Variants in LUC7L3 observed in about 807,000 individuals in gnomAD.
LUC7L3 encodes luc7-like protein 3.
In LUC7L3, 6 loss-of-function variants were observed where a neutral mutation model predicts 66.8. The ratio of observed to expected loss-of-function variants is 0.09; its 90% CI spans 0.05 to 0.18. LUC7L3 has a LOEUF of 0.18. Ranked by LOEUF, LUC7L3 falls within the 10% of genes least tolerant of loss-of-function variation. The pLI is 1.00. For missense variants in LUC7L3, 341 were observed against 531.1 expected (o/e 0.64, Z 3.52); for synonymous variants, 160 against 174.7 (o/e 0.92, Z 0.66).
At chr17:50,730,299 G>A (rs893236934) in intron 1 of LUC7L3, among the ~76,000 whole-genome samples, 1 of 151,802 alleles carries the variant, frequency 6.6e-6, no homozygotes, top group African/African-American at 2.4e-5. Flanking sequence ...GCAGTTTAAC[G>A]AAAATAGTGC....
At chr17:50,748,955 T>G (rs978866154) in intron 9 of LUC7L3, among the ~76,000 whole-genome samples, 7 of 152,066 alleles carry the variant, frequency 4.6e-5, no homozygotes, top group African/African-American at 7.2e-5. Context: ...TGACTGAAGA[T>G]CTGGACTTTG....
chr17:50,733,327 G>A (rs1969751519), intron 1 of LUC7L3, among the ~76,000 whole-genome samples: 1 of 150,314 alleles, frequency 6.7e-6, no homozygotes, highest in African/African-American at 2.5e-5. Context: ...CGCCTCCTGG[G>A]TTCACATCAT....
chr17:50,730,375 G>T (rs778466133), intron 1 of LUC7L3, among the ~76,000 whole-genome samples: 1 of 151,860 alleles, frequency 6.6e-6, no homozygotes, highest in Non-Finnish European at 1.5e-5. Context: ...ACAAAAATTA[G>T]CCAGGCATGG....
chr17:50,725,819 A>C (rs916235047), intron 1 of LUC7L3, among the ~76,000 whole-genome samples: 3 of 152,254 alleles, frequency 2.0e-5, no homozygotes, highest in African/African-American at 7.2e-5. Context: ...TCATTTTCCT[A>C]CCACAAAATA....
At chr17:50,733,791 G>A (rs992026202) in intron 1 of LUC7L3, among the ~76,000 whole-genome samples, 7 of 152,138 alleles carry the variant, frequency 4.6e-5, no homozygotes, top group Non-Finnish European at 8.8e-5. Context: ...ATAAATAATA[G>A]ATTCTGGCAA....
chr17:50,726,742 A>AT, intron 1 of LUC7L3, among the ~76,000 whole-genome samples: 1 of 152,114 alleles, frequency 6.6e-6, no homozygotes, highest in East Asian at 1.9e-4. Flanking sequence ...ACTTATAGTT[A>AT]TTTTTTTCCC....
At chr17:50,741,620 T>C (rs755302709) in intron 4 of LUC7L3, 37 bp from the exon 5 acceptor site, 2 of 1,390,100 alleles carry the variant, frequency 1.4e-6, no homozygotes, top group South Asian at 1.2e-5. Flanking sequence ...ATCTTTGTTT[T>C]CAACTTGTTG....
chr17:50,737,086 A>T, intron 2 of LUC7L3, 60 bp downstream of exon 2: 1 of 1,219,350 alleles, frequency 8.2e-7, no homozygotes, highest in Non-Finnish European at 1.2e-6. Flanking sequence ...GTTGAATAGG[A>T]GTGGTGAAAG....
At chr17:50,740,202 G>A (rs1970258975) in intron 2 of LUC7L3, 104 bp from the exon 3 acceptor site, 1 of 847,722 alleles carries the variant, frequency 1.2e-6, no homozygotes, top group South Asian at 1.6e-5. Flanking sequence ...CAGTGATAAA[G>A]TGAATCCTTT....
At chr17:50,732,328 T>C (rs2146717802) in intron 1 of LUC7L3, among the ~76,000 whole-genome samples, 1 of 152,320 alleles carries the variant, frequency 6.6e-6, no homozygotes, top group South Asian at 2.1e-4. Flanking sequence ...AACACCTTTT[T>C]CTTCCAATTT....
intron 1 of LUC7L3, among the ~76,000 whole-genome samples, chr17:50,731,300 C>G (rs1022200612): frequency 6.6e-6 from 1 of 152,188 alleles, no homozygotes; most frequent in Non-Finnish European, 1.5e-5. Flanking sequence ...TCCCAAGTAG[C>G]TGGGATTACA....
rs765054467 is a variant in LUC7L3, at chr17:50,750,517, T to G, written c.1155T>G (p.Asp385Glu). 1 of 1,613,620 alleles carries G rather than the reference T, an allele frequency of 6.2e-7. No individual in the cohort carries two copies. Among genetic ancestry groups the G allele is most frequent in the Non-Finnish European group, 8.5e-7 (1 of 1,179,760 alleles). ...TTATGGCAGAAAAGAGGGGATCTGATGATAAAAAAAGTAGTGTGAAGTCCG... is the reference window on the plus strand; with the variant it reads ...TTATGGCAGAAAAGAGGGGATCTGAGGATAAAAAAAGTAGTGTGAAGTCCG... ...KSKEKEKRGS[D>E]DKKSSVKSGS... The change falls in exon 10 of 10, where the codon GAT (aspartate) becomes GAG (glutamate). Residue 385 changes from aspartate (D) to glutamate (E), a missense_variant. Coordinates refer to ENST00000505658, the MANE Select transcript of LUC7L3 (RefSeq NM_016424.5).
At chr17:50,729,764 T>A (rs1447894568) in intron 1 of LUC7L3, among the ~76,000 whole-genome samples, 3 of 152,082 alleles carry the variant, frequency 2.0e-5, no homozygotes, top group African/African-American at 7.2e-5. Flanking sequence ...ATTCAAGGAC[T>A]TACTGTATAT....
intron 1 of LUC7L3, chr17:50,736,634 G>T (rs533698530): frequency 3.7e-6 from 1 of 269,276 alleles, no homozygotes; most frequent in Non-Finnish European, 7.1e-6. Context: ...GATAAGAATA[G>T]CGTAAGAGTT....
intron 7 of LUC7L3, 73 bp downstream of exon 7, chr17:50,744,886 A>C: frequency 1.5e-4 from 182 of 1,242,876 alleles, no homozygotes; most frequent in Non-Finnish European, 1.7e-4. Flanking sequence ...ATCTCAGCTC[A>C]CTGCCACCTC....
At chr17:50,738,537 G>A (rs529909264) in intron 2 of LUC7L3, among the ~76,000 whole-genome samples, 5 of 152,194 alleles carry the variant, frequency 3.3e-5, no homozygotes, top group African/African-American at 7.2e-5. Flanking sequence ...GCAATAATAC[G>A]ATGCCATAAA....
At chr17:50,743,132 C>G (rs1000357601) in intron 5 of LUC7L3, among the ~76,000 whole-genome samples, 1 of 152,058 alleles carries the variant, frequency 6.6e-6, no homozygotes, top group African/African-American at 2.4e-5. Context: ...AATCCCAGCA[C>G]TTTGGGAGGA....
rs1305300460 is a variant in LUC7L3, at chr17:50,754,704, T to G, written c.*4043T>G. 6.6e-6 allele frequency: 1 copy of G among 152,188 alleles called. No individual in the cohort carries two copies. The highest frequency in any genetic ancestry group is 1.5e-5 in the Non-Finnish European group (1 of 68,028). The allele number at this position is 152,188 out of a possible 1,614,324, so 9.4% of individuals were successfully genotyped here. The stretch of plus-strand genomic sequence containing the variant: ...TTTTTCAGTTTGGGTTGAAACATCC[T>G]TTTCTTGATCTTGAGCTTATAATAA... On this transcript the variant is annotated 3_prime_UTR_variant, in exon 10 of 10. Transcript: ENST00000505658.
chr17:50,731,592 A>G (rs1969608461), intron 1 of LUC7L3, among the ~76,000 whole-genome samples: 1 of 152,232 alleles, frequency 6.6e-6, no homozygotes, highest in Admixed American at 6.5e-5. Context: ...GGAGAGTTAA[A>G]AGAAGCAGTC....
Sources: gnomAD v4.1 joint callset for allele counts (sites outside exome capture counted in the v4.1 genomes callset) on GRCh38, gnomAD v4.1.1 for gene constraint, MANE v1.5 for transcripts, NCBI Gene and HGNC (gene_info 2026-07-23, HGNC 2026-07-21) for gene names.